The following KCNH1 variants were observed in gnomAD, a reference collection of about 807,000 sequenced individuals.
KCNH1 encodes the protein voltage-gated delayed rectifier potassium channel KCNH1.
A neutral mutation model predicts 69.2 loss-of-function variants in KCNH1; 27 were observed. The observed-to-expected ratio is 0.39, with a 90% confidence interval of 0.29 to 0.54. The LOEUF is 0.54. Ranked by LOEUF, KCNH1 falls within the 20% of genes least tolerant of loss-of-function variation. The pLI, the probability that KCNH1 is intolerant of heterozygous loss-of-function variation, is 0.68. For synonymous variants in KCNH1, 456 were observed against 487.7 expected, an observed-to-expected ratio of 0.93 and a Z score of 0.86; for missense variants, 798 against 1,261.6, an observed-to-expected ratio of 0.63 and a Z score of 5.57.
chr1:210,709,695 GAGAAAA>G (rs1193057352), intron 10 of KCNH1, among the ~76,000 whole-genome samples: 1 of 149,562 alleles, frequency 6.7e-6, no homozygotes, highest in Non-Finnish European at 1.5e-5. Context: ...TATACAAAGA[GAGAAAA>G]AGAAAGAGAA....
chr1:211,021,765 A>G (rs1303728146), intron 5 of KCNH1, among the ~76,000 whole-genome samples: 2 of 152,202 alleles, frequency 1.3e-5, no homozygotes, highest in Non-Finnish European at 2.9e-5. Context: ...GTCTAGGAAT[A>G]AATCTAACCA....
chr1:211,094,786 G>A (rs965373873), intron 3 of KCNH1, among the ~76,000 whole-genome samples: 1 of 152,198 alleles, frequency 6.6e-6, no homozygotes, highest in Non-Finnish European at 1.5e-5. Context: ...AGTAGAATGG[G>A]CTTAAATTTT....
At chr1:210,920,562 G>A (rs1687438138) in intron 6 of KCNH1, among the ~76,000 whole-genome samples, 1 of 151,882 alleles carries the variant, frequency 6.6e-6, no homozygotes, top group South Asian at 2.1e-4. Context: ...ATTAATAGAG[G>A]TTATTGCTGC....
chr1:210,805,407 A>G (rs1684530356), intron 7 of KCNH1, among the ~76,000 whole-genome samples: 1 of 152,188 alleles, frequency 6.6e-6, no homozygotes, highest in South Asian at 2.1e-4. Context: ...AATAGTGAAC[A>G]TATCCATCAC....
chr1:210,953,399 A>G (rs1501556), intron 6 of KCNH1, among the ~76,000 whole-genome samples: 116,232 of 152,168 alleles, frequency 0.76, 45,022 homozygotes, highest in East Asian at 0.89. Context: ...TAGATATACC[A>G]AAAGAAGCTT....
intron 7 of KCNH1, among the ~76,000 whole-genome samples, chr1:210,819,231 C>T (rs1470110094): frequency 2.6e-5 from 4 of 152,200 alleles, no homozygotes; most frequent in Admixed American, 6.5e-5. Flanking sequence ...AGGAAATAAT[C>T]ATAGGCTAGA....
intron 5 of KCNH1, among the ~76,000 whole-genome samples, chr1:211,028,954 A>G (rs1689732782): frequency 6.6e-6 from 1 of 152,068 alleles, no homozygotes; most frequent in Non-Finnish European, 1.5e-5. Context: ...AGACAGTACA[A>G]AAAAGAAAAC....
chr1:210,715,115 C>T (rs902637915), intron 10 of KCNH1, among the ~76,000 whole-genome samples: 4 of 152,212 alleles, frequency 2.6e-5, no homozygotes, highest in African/African-American at 9.6e-5. Flanking sequence ...AGCAAAGACT[C>T]ATGACAGCTC....
At chr1:211,050,239 C>G (rs1027826168) in intron 5 of KCNH1, among the ~76,000 whole-genome samples, 1 of 106,192 alleles carries the variant, frequency 9.4e-6, no homozygotes, top group Non-Finnish European at 1.8e-5. Flanking sequence ...AAAGTGAGGA[C>G]AAACTCAGCC....
rs372982171 is a variant in KCNH1, at chr1:211,098,276, G to A, written c.310+5220C>T. Among the ~76,000 whole-genome samples the A allele has an allele frequency of 3.7e-3, 549 of 150,220 alleles. 6 individuals carry two copies. The highest frequency in any genetic ancestry group is 0.013 in the African/African-American group (522 of 40,880). ...GCAGAGGTTGCAGTGAGCTGAGATC[G>A]CGCCACTGCACTCCAGCTTGGGCGA... is the stretch of plus-strand genomic sequence containing the variant. On this transcript the variant is annotated intron_variant, in intron 3 of 10. Transcript: ENST00000271751.
intron 1 of KCNH1, among the ~76,000 whole-genome samples, chr1:211,122,346 G>C (rs1474868861): frequency 6.6e-6 from 1 of 152,186 alleles, no homozygotes; most frequent in Non-Finnish European, 1.5e-5. Flanking sequence ...GCCAGGCTGT[G>C]GAGAAATAGG....
At chr1:210,966,378 A>C (rs911014391) in intron 6 of KCNH1, among the ~76,000 whole-genome samples, 2 of 152,252 alleles carry the variant, frequency 1.3e-5, no homozygotes, top group East Asian at 3.8e-4. Context: ...GCCAAAATTG[A>C]CAAATGGGAT....
At chr1:210,702,222 A>G (rs1234073975) in intron 10 of KCNH1, among the ~76,000 whole-genome samples, 3 of 152,208 alleles carry the variant, frequency 2.0e-5, no homozygotes, top group East Asian at 3.8e-4. Context: ...AATGTGGGTC[A>G]AAGAGCTGGA....
intron 5 of KCNH1, among the ~76,000 whole-genome samples, chr1:211,073,433 G>T (rs1387912149): frequency 6.6e-6 from 1 of 152,076 alleles, no homozygotes; most frequent in African/African-American, 2.4e-5. Flanking sequence ...ATTCTCTCAA[G>T]GTCACATGGA....
At chr1:210,983,675 C>G (rs922836238) in intron 6 of KCNH1, among the ~76,000 whole-genome samples, 1 of 152,114 alleles carries the variant, frequency 6.6e-6, no homozygotes, top group Admixed American at 6.6e-5. Flanking sequence ...GTTACTGTAG[C>G]CTTGTAGTGT....
At chr1:210,690,850 C>G (rs1681513238) in intron 10 of KCNH1, among the ~76,000 whole-genome samples, 2 of 152,186 alleles carry the variant, frequency 1.3e-5, no homozygotes, top group African/African-American at 4.8e-5. Context: ...GCACTGTCCT[C>G]CAGGAGATGC....
At chr1:210,963,816 T>C (rs573120461) in intron 6 of KCNH1, among the ~76,000 whole-genome samples, 15 of 152,296 alleles carry the variant, frequency 9.8e-5, no homozygotes, top group African/African-American at 2.4e-4. Flanking sequence ...CTACATTTGA[T>C]TGGTGTACCA....
At chr1:210,971,945 T>A (rs1035166150) in intron 6 of KCNH1, among the ~76,000 whole-genome samples, 1 of 152,108 alleles carries the variant, frequency 6.6e-6, no homozygotes, top group East Asian at 1.9e-4. Flanking sequence ...AACAAATACA[T>A]GTGATGAGTA....
At chr1:211,065,277 A>G (rs904955106) in intron 5 of KCNH1, among the ~76,000 whole-genome samples, 2 of 152,252 alleles carry the variant, frequency 1.3e-5, no homozygotes, top group African/African-American at 4.8e-5. Context: ...AATGTGGCAC[A>G]TATACTACAA....
Sources: gnomAD v4.1 joint callset for allele counts (sites outside exome capture counted in the v4.1 genomes callset) on GRCh38, gnomAD v4.1.1 for gene constraint, MANE v1.5 for transcripts, NCBI Gene and HGNC (gene_info 2026-07-23, HGNC 2026-07-21) for gene names.